The following KIDINS220 variants were observed in gnomAD, a reference collection of about 807,000 sequenced individuals.
The protein encoded by KIDINS220 is kinase D-interacting substrate of 220 kDa.
A neutral mutation model predicts 157.6 loss-of-function variants in KIDINS220; 63 were observed. The ratio of observed to expected loss-of-function variants is 0.40; its 90% CI spans 0.33 to 0.49. The LOEUF is 0.49. Among genes scored for constraint, KIDINS220 ranks in the 20% least tolerant of loss-of-function variants. KIDINS220 has a pLI of 0.66. For synonymous variants in KIDINS220, 732 were observed against 783.6 expected (o/e 0.93, Z 1.10); for missense variants, 1,772 against 2,171.2 (o/e 0.82, Z 3.65).
At chr2:8,812,859 A>T (rs1027192760) in intron 5 of KIDINS220, among the ~76,000 whole-genome samples, 1 of 152,232 alleles carries the variant, frequency 6.6e-6, no homozygotes, top group African/African-American at 2.4e-5. Context: ...AATAAGAGGA[A>T]TGTAAATATA....
intron 29 of KIDINS220, among the ~76,000 whole-genome samples, chr2:8,732,187 T>C (rs1572406150): frequency 6.6e-6 from 1 of 152,196 alleles, no homozygotes; most frequent in Non-Finnish European, 1.5e-5. Context: ...TAAATTTTAA[T>C]AAAATCAGTT....
intron 22 of KIDINS220, among the ~76,000 whole-genome samples, chr2:8,761,513 G>A (rs1668743318): frequency 6.6e-6 from 1 of 151,954 alleles, no homozygotes; most frequent in Admixed American, 6.5e-5. Context: ...AATTTGAGGA[G>A]ACAAAAGTAG....
chr2:8,796,709 CAT>C (rs1673985717), intron 11 of KIDINS220, 60 bp downstream of exon 11: 2 of 1,221,940 alleles, frequency 1.6e-6, no homozygotes, highest in Admixed American at 3.4e-5. Context: ...AAATCCACTC[CAT>C]ATAGAGGTCA....
intron 2 of KIDINS220, among the ~76,000 whole-genome samples, chr2:8,822,773 GTTCCT>G (rs1678187303): frequency 6.6e-6 from 1 of 152,154 alleles, no homozygotes. Flanking sequence ...GTGACTGTTT[GTTCCT>G]TTCAAAAATA....
chr2:8,834,716 A>G (rs1287779046), intron 1 of KIDINS220, among the ~76,000 whole-genome samples: 1 of 152,188 alleles, frequency 6.6e-6, no homozygotes, highest in Non-Finnish European at 1.5e-5. Flanking sequence ...AGCTGATCCA[A>G]CCACCTGTAA....
At chr2:8,758,361 T>A (rs116920470) in intron 22 of KIDINS220, among the ~76,000 whole-genome samples, 2,642 of 152,294 alleles carry the variant, frequency 0.017, 37 homozygotes, top group East Asian at 0.053. Context: ...TAAGCCCTGT[T>A]CACCCTCACC....
At chr2:8,745,208 C>T (rs2148021720) in intron 26 of KIDINS220, among the ~76,000 whole-genome samples, 1 of 152,304 alleles carries the variant, frequency 6.6e-6, no homozygotes, top group East Asian at 1.9e-4. Flanking sequence ...TTCTTCAAAA[C>T]TTTGCTCAGG....
intron 29 of KIDINS220, among the ~76,000 whole-genome samples, chr2:8,732,367 G>A (rs541407892): frequency 2.6e-5 from 4 of 152,142 alleles, no homozygotes; most frequent in Admixed American, 2.6e-4. Flanking sequence ...TGAGCAGCTG[G>A]GACTATGGGC....
intron 5 of KIDINS220, 54 bp from the exon 6 acceptor site, chr2:8,812,547 A>T: frequency 2.0e-6 from 2 of 1,011,130 alleles, no homozygotes; most frequent in Non-Finnish European, 1.4e-6. Flanking sequence ...GGAAGGAAAG[A>T]AAGAAAGGAA....
intron 26 of KIDINS220, among the ~76,000 whole-genome samples, chr2:8,744,148 ATAAT>A (rs1301049816): frequency 1.4e-5 from 2 of 145,166 alleles, no homozygotes; most frequent in Non-Finnish European, 3.0e-5. Flanking sequence ...ATATATTAAT[ATAAT>A]TATTTTATAA....
At chr2:8,830,253 A>G (rs1679415374) in intron 1 of KIDINS220, among the ~76,000 whole-genome samples, 2 of 152,324 alleles carry the variant, frequency 1.3e-5, no homozygotes, top group East Asian at 1.9e-4. Context: ...TTTGAAGGAT[A>G]ATGGTTTATT....
At chr2:8,761,174 T>C (rs1055891113) in intron 22 of KIDINS220, among the ~76,000 whole-genome samples, 2 of 152,206 alleles carry the variant, frequency 1.3e-5, no homozygotes, top group Non-Finnish European at 2.9e-5. Context: ...TGATGAATTG[T>C]CCATGCAATT....
Position 8,733,613 on chromosome 2 carries a change from C to T in KIDINS220, c.3884G>A (p.Ser1295Asn), listed in dbSNP as rs758397173. 6.2e-7 allele frequency: 1 copy of T among 1,612,252 alleles called. No individual in the cohort carries two copies. The highest frequency in any genetic ancestry group is 8.5e-7 in the Non-Finnish European group (1 of 1,178,580). Residue 1295 changes from serine (S) to asparagine (N), a missense_variant, in exon 29 of 30, where the codon AGC (serine) becomes AAC (asparagine). Ser to Asn is a conservative substitution (Grantham distance 46). Around this residue, in one of 3 missense-constraint regions of KIDINS220, gnomAD observed 793 missense variants for 885.5 expected, o/e 0.90. Transcript: ENST00000256707. ...PEDPRFLSES[S>N]SGPAPHGEPA... ...CTCACCGTGCGGGGCTGGGCCACTG[C>T]TGCTCTCACTGAGGAAACGTGGGTC...
At chr2:8,769,049 T>C (rs1669837687) in intron 22 of KIDINS220, among the ~76,000 whole-genome samples, 1 of 152,144 alleles carries the variant, frequency 6.6e-6, no homozygotes, top group African/African-American at 2.4e-5. Context: ...TCCAGCCCAG[T>C]CATAGATGGC....
chr2:8,821,787 T>C (rs1677991732), intron 2 of KIDINS220, among the ~76,000 whole-genome samples: 1 of 152,200 alleles, frequency 6.6e-6, no homozygotes, highest in Non-Finnish European at 1.5e-5. Flanking sequence ...AATAGAACGA[T>C]TGTTATTTTA....
Position 8,786,256 on chromosome 2 carries a change from C to T in KIDINS220, c.1889G>A (p.Gly630Asp). 3 of 1,614,120 alleles carry T rather than the reference C, an allele frequency of 1.9e-6. No individual in the cohort carries two copies. The highest frequency in any genetic ancestry group is 2.5e-6 in the Non-Finnish European group (3 of 1,180,008). Residue 630 changes from glycine (G) to aspartate (D), a missense_variant, in exon 16 of 30, where the codon GGC becomes GAC. Physicochemically the swap from Gly to Asp is moderately conservative, Grantham distance 94. Transcript: ENST00000256707. Reference sequence around the variant, plus strand: ...TCGAAAAAGCCTGGTTGCCAAAAAGCCAAACTCTCTTTCACAAGCATCCGA... The same window carrying T: ...TCGAAAAAGCCTGGTTGCCAAAAAGTCAAACTCTCTTTCACAAGCATCCGA... ...TLSDACEREF[G>D]FLATRLFRVF... is the part of the protein sequence containing the mutation.
intron 22 of KIDINS220, among the ~76,000 whole-genome samples, chr2:8,761,058 C>T (rs1360527145): frequency 6.6e-6 from 1 of 152,090 alleles, no homozygotes; most frequent in African/African-American, 2.4e-5. Flanking sequence ...TTTTTGGCAT[C>T]AAGAGTTTAT....
At chr2:8,743,414 GTAA>G (rs1198671691) in intron 26 of KIDINS220, among the ~76,000 whole-genome samples, 1 of 152,110 alleles carries the variant, frequency 6.6e-6, no homozygotes, top group Non-Finnish European at 1.5e-5. Flanking sequence ...AGTAGCAGTA[GTAA>G]TAATAATAAT....
In KIDINS220 at chr2:8,788,780, C is replaced by A; in HGVS notation, c.1654G>T (p.Glu552Ter). ...AGGACCCAGGCCCAATTCCAACTCT[C>A]TCCTTCTCTTCGTCCACCAAAGTAA... Reference protein sequence around the residue: ...VIYFGGRREGESWNWAWVLST... With the variant: ...VIYFGGRREG The change falls in exon 15 of 30, where the codon GAG becomes TAG. Residue 552 changes from glutamate (E) to a stop codon, truncating the protein, a stop_gained. Transcript: ENST00000256707. LOFTEE classifies it high-confidence loss of function. 1 of 1,613,814 alleles carries A rather than the reference C, an allele frequency of 6.2e-7. No individual in the cohort carries two copies. Among genetic ancestry groups the A allele is most frequent in the Non-Finnish European group, 8.5e-7 (1 of 1,179,930 alleles).
Sources: allele counts gnomAD v4.1 joint callset (sites outside exome capture counted in the v4.1 genomes callset), GRCh38; gene constraint gnomAD v4.1.1; regional missense constraint gnomAD v4.1.1; transcripts MANE v1.5; gene names NCBI Gene and HGNC (gene_info 2026-07-23, HGNC 2026-07-21).